AK5: variants seen among roughly 807,000 people sequenced by gnomAD.
The protein encoded by AK5 is adenylate kinase isoenzyme 5.
In AK5, 27 loss-of-function variants were observed where a neutral mutation model predicts 69.5. The observed-to-expected ratio is 0.39, with a 90% CI of 0.29 to 0.54. AK5 has a LOEUF of 0.54. AK5 is among the 20% of genes least tolerant of loss of function. The probability of loss-of-function intolerance (pLI) is 0.71; values close to 1 mark genes in which losing one functional copy is unlikely to be tolerated. For missense variants in AK5, 531 were observed against 700.4 expected (o/e 0.76, Z 2.73); for synonymous variants, 260 against 244.4 (o/e 1.06, Z -0.60).
In AK5 at chr1:77,448,928, T is replaced by C. The variant is rs747119289; in HGVS notation, c.1059+31213T>C. ...CACAGCAGAGAGCTGGCAACAAGAA[T>C]TGAGGTTTGGGAACCTCCGCCTATA... On this transcript the variant is annotated intron_variant, in intron 8 of 13. Coordinates refer to ENST00000354567, the MANE Select transcript of AK5 (RefSeq NM_174858.3). Among the ~76,000 whole-genome samples, 94 of 152,194 alleles carry C rather than the reference T, an allele frequency of 6.2e-4. 1 individual carries two copies. The highest frequency in any genetic ancestry group is 6.2e-4 in the Non-Finnish European group (42 of 68,036).
intron 5 of AK5, among the ~76,000 whole-genome samples, chr1:77,300,867 G>T (rs1203329681): frequency 2.0e-5 from 3 of 152,108 alleles, no homozygotes; most frequent in Non-Finnish European, 4.4e-5. Flanking sequence ...ACATTTAGTG[G>T]TTTATCATAA....
chr1:77,532,622 A>G (rs904809463), intron 12 of AK5, among the ~76,000 whole-genome samples: 1 of 152,358 alleles, frequency 6.6e-6, no homozygotes, highest in African/African-American at 2.4e-5. Context: ...CAGAGGGCTT[A>G]TGGGATGGCT....
chr1:77,440,686 T>C (rs1384673863), intron 8 of AK5, among the ~76,000 whole-genome samples: 1 of 152,136 alleles, frequency 6.6e-6, no homozygotes, highest in Non-Finnish European at 1.5e-5. Context: ...TCTTTTTCAT[T>C]CTTTTTTTTT....
chr1:77,402,980 T>C (rs1226278861), intron 6 of AK5, among the ~76,000 whole-genome samples: 6 of 152,064 alleles, frequency 3.9e-5, no homozygotes, highest in African/African-American at 1.4e-4. Context: ...TTTTTAATGA[T>C]TGCCATTCTA....
At chr1:77,471,888 C>T (rs911739902) in intron 8 of AK5, among the ~76,000 whole-genome samples, 2 of 152,198 alleles carry the variant, frequency 1.3e-5, no homozygotes, top group African/African-American at 4.8e-5. Context: ...TGTACAGCGG[C>T]CAGATTCTTA....
chr1:77,376,683 G>T (rs918791578), intron 6 of AK5, among the ~76,000 whole-genome samples: 2 of 152,156 alleles, frequency 1.3e-5, no homozygotes, highest in African/African-American at 4.8e-5. Context: ...GCTCATGCCT[G>T]TCATCCCAAC....
intron 8 of AK5, among the ~76,000 whole-genome samples, chr1:77,427,518 C>T (rs1460623043): frequency 6.6e-6 from 1 of 152,088 alleles, no homozygotes; most frequent in Admixed American, 6.5e-5. Context: ...ACAGAAAGCT[C>T]TAGGTTCACT....
At chr1:77,367,551 T>TTTTATATATATATATATATA (rs1553139653) in intron 6 of AK5, among the ~76,000 whole-genome samples, 2 of 19,706 alleles carry the variant, frequency 1.0e-4, no homozygotes, top group African/African-American at 2.2e-4. Context: ...CTCATTTATG[T>TTTTATATATATATATATATA]TATTTTTATA....
At chr1:77,487,309 T>C (rs992129056) in intron 10 of AK5, among the ~76,000 whole-genome samples, 4 of 152,212 alleles carry the variant, frequency 2.6e-5, no homozygotes, top group African/African-American at 9.6e-5. Flanking sequence ...CTAATGAGTG[T>C]GTGAGGGCCA....
At chr1:77,429,529 C>T (rs2246124) in intron 8 of AK5, among the ~76,000 whole-genome samples, 3,959 of 152,134 alleles carry the variant, frequency 0.026, 162 homozygotes, top group African/African-American at 0.091. Flanking sequence ...TGGCACAGTT[C>T]CTGCTATCAT....
At chr1:77,556,786 G>A (rs896423572) in intron 13 of AK5, among the ~76,000 whole-genome samples, 2 of 152,176 alleles carry the variant, frequency 1.3e-5, no homozygotes, top group Admixed American at 1.3e-4. Context: ...TGAAAACTTT[G>A]TGTTTCTCAA....
intron 8 of AK5, among the ~76,000 whole-genome samples, chr1:77,431,066 G>C (rs1570110963): frequency 6.6e-6 from 1 of 152,142 alleles, no homozygotes; most frequent in African/African-American, 2.4e-5. Context: ...ACATTGATAG[G>C]ATAGGAGGAT....
At chr1:77,546,440 A>G (rs1659548486) in intron 13 of AK5, among the ~76,000 whole-genome samples, 1 of 152,118 alleles carries the variant, frequency 6.6e-6, no homozygotes, top group Non-Finnish European at 1.5e-5. Flanking sequence ...CATAGGAAAA[A>G]GACATGTGCT....
chr1:77,431,789 G>T (rs539136865), intron 8 of AK5, among the ~76,000 whole-genome samples: 2 of 152,158 alleles, frequency 1.3e-5, no homozygotes, highest in Non-Finnish European at 2.9e-5. Context: ...TGTAAACTAT[G>T]TGTGTATTCA....
intron 6 of AK5, among the ~76,000 whole-genome samples, chr1:77,356,059 T>G (rs910410006): frequency 6.6e-6 from 1 of 152,198 alleles, no homozygotes; most frequent in Non-Finnish European, 1.5e-5. Context: ...CTCTAGTCTT[T>G]AAATTGCTGT....
chr1:77,365,963 G>T (rs539551285), intron 6 of AK5, among the ~76,000 whole-genome samples: 4 of 152,070 alleles, frequency 2.6e-5, no homozygotes, highest in Non-Finnish European at 5.9e-5. Flanking sequence ...GGCACTGCTT[G>T]GGCAATGGGT....
At chr1:77,410,036 A>G (rs1158543994) in intron 6 of AK5, among the ~76,000 whole-genome samples, 1 of 152,160 alleles carries the variant, frequency 6.6e-6, no homozygotes, top group Admixed American at 6.5e-5. Flanking sequence ...TAGTAAAGCT[A>G]TTTTTAAAAA....
At chr1:77,371,488 A>G (rs564178270) in intron 6 of AK5, 1 of 152,258 alleles carries the variant, frequency 6.6e-6, no homozygotes, top group Non-Finnish European at 1.5e-5. Flanking sequence ...CCCTATCTTG[A>G]GTACCTTAAT....
intron 10 of AK5, among the ~76,000 whole-genome samples, chr1:77,501,206 C>T (rs533048919): frequency 3.3e-5 from 5 of 152,266 alleles, no homozygotes; most frequent in African/African-American, 9.6e-5. Context: ...AGCCCAGGAA[C>T]GGGAAGGAGA....
Sources: allele counts gnomAD v4.1 joint callset (sites outside exome capture counted in the v4.1 genomes callset), GRCh38; gene constraint gnomAD v4.1.1; transcripts MANE v1.5; gene names NCBI Gene and HGNC (gene_info 2026-07-23, HGNC 2026-07-21).